The following COXFA4 variants were observed in gnomAD, a reference collection of about 807,000 sequenced individuals.
The protein encoded by COXFA4 is cytochrome c oxidase associated subunit FA4, also known as cytochrome c oxidase subunit FA4.
chr7:10,935,037 A>G, the COXFA4 span, among the ~76,000 whole-genome samples: 1 of 152,238 alleles, frequency 6.6e-6, no homozygotes, highest in Non-Finnish European at 1.5e-5. Context: ...ACCGGGCTAG[A>G]TGCTTTATGT....
chr7:10,938,079 T>C, the COXFA4 span: 1 of 1,611,396 alleles, frequency 6.2e-7, no homozygotes, highest in Non-Finnish European at 8.5e-7. Flanking sequence ...TAAAACAATT[T>C]TGTAGTTTAC....
chr7:10,932,058 G>C, the COXFA4 span: 2 of 152,212 alleles, frequency 1.3e-5, no homozygotes, highest in African/African-American at 4.8e-5. Context: ...AAAGGATCTA[G>C]AGTAATTCTC....
At chr7:10,936,480 A>G in the COXFA4 span, among the ~76,000 whole-genome samples, 2 of 152,252 alleles carry the variant, frequency 1.3e-5, no homozygotes, top group South Asian at 2.1e-4. Context: ...TTACTTTTTA[A>G]AAGTTTCTTG....
chr7:10,936,993 G>A, the COXFA4 span, among the ~76,000 whole-genome samples: 1 of 152,012 alleles, frequency 6.6e-6, no homozygotes, highest in Admixed American at 6.6e-5. Flanking sequence ...CCAAGATAAT[G>A]GCACTGCACT....
chr7:10,938,169 G>A, the COXFA4 span: 19 of 1,599,386 alleles, frequency 1.2e-5, no homozygotes, highest in East Asian at 1.3e-4. Context: ...AAAACATTAC[G>A]ACTGTTATAA....
At chr7:10,937,457 A>G in the COXFA4 span, among the ~76,000 whole-genome samples, 2 of 151,778 alleles carry the variant, frequency 1.3e-5, no homozygotes, top group Non-Finnish European at 2.9e-5. Flanking sequence ...TAATTTTTGT[A>G]TTTTTAGTAG....
At chr7:10,933,679 T>C in the COXFA4 span, 2 of 1,609,444 alleles carry the variant, frequency 1.2e-6, no homozygotes, top group Non-Finnish European at 1.7e-6. Context: ...GTAATCCACA[T>C]TCACTGAGTA....
the COXFA4 span, chr7:10,939,732 G>C: frequency 4.1e-6 from 2 of 491,632 alleles, no homozygotes; most frequent in Admixed American, 3.3e-5. Flanking sequence ...CTGCAAAAGA[G>C]AGCGGCCACC....
chr7:10,938,461 A>G, the COXFA4 span: 2 of 430,332 alleles, frequency 4.6e-6, no homozygotes, highest in Non-Finnish European at 8.3e-6. Context: ...TTGATTGTCT[A>G]TTGTTTTTCA....
At chr7:10,937,635 A>G in the COXFA4 span, among the ~76,000 whole-genome samples, 4 of 152,084 alleles carry the variant, frequency 2.6e-5, no homozygotes, top group Admixed American at 2.0e-4. Context: ...TTTTTTACAC[A>G]TAAGGAAGGT....
chr7:10,932,431 C>T, the COXFA4 span: 4 of 152,328 alleles, frequency 2.6e-5, no homozygotes, highest in African/African-American at 9.6e-5. Context: ...AGTAATTCAA[C>T]TCGTTTAACA....
the COXFA4 span, among the ~76,000 whole-genome samples, chr7:10,934,246 A>G: frequency 6.6e-6 from 1 of 152,128 alleles, no homozygotes; most frequent in Non-Finnish European, 1.5e-5. Context: ...ACTATATTCA[A>G]TATCAAACTG....
chr7:10,937,193 T>C, the COXFA4 span, among the ~76,000 whole-genome samples: 2 of 152,152 alleles, frequency 1.3e-5, no homozygotes, highest in Non-Finnish European at 2.9e-5. Flanking sequence ...CTTGATATTA[T>C]GGAAAGTGCA....
the COXFA4 span, among the ~76,000 whole-genome samples, chr7:10,934,070 T>A: frequency 2.0e-5 from 3 of 152,144 alleles, no homozygotes; most frequent in Admixed American, 1.3e-4. Context: ...GCCAACAGAA[T>A]AGAGGATTAA....
chr7:10,939,788 C>T, the COXFA4 span: 2 of 623,428 alleles, frequency 3.2e-6, no homozygotes, highest in South Asian at 1.8e-5. Flanking sequence ...GGTTTTTTTT[C>T]CGAGCAGTGT....
chr7:10,936,285 C>T, the COXFA4 span, among the ~76,000 whole-genome samples: 1 of 152,198 alleles, frequency 6.6e-6, no homozygotes, highest in Non-Finnish European at 1.5e-5. Context: ...TATGTTGTTA[C>T]AGCAACATTT....
the COXFA4 span, among the ~76,000 whole-genome samples, chr7:10,937,240 T>C: frequency 6.8e-6 from 1 of 147,624 alleles, no homozygotes; most frequent in Admixed American, 6.6e-5. Flanking sequence ...GTCAACTGTA[T>C]GGTATGTGAA....
At chr7:10,938,909 CAAAAT>C in the COXFA4 span, 19 of 1,595,470 alleles carry the variant, frequency 1.2e-5, no homozygotes, top group Admixed American at 1.5e-4. Context: ...AAACCAAACA[CAAAAT>C]AGAATAACCA....
the COXFA4 span, chr7:10,937,979 G>A: frequency 2.3e-6 from 2 of 872,484 alleles, no homozygotes; most frequent in African/African-American, 3.3e-5. Context: ...GCTCTTTAAA[G>A]TTCAATATAA....
Sources: gnomAD v4.1 joint callset for allele counts (sites outside exome capture counted in the v4.1 genomes callset) on GRCh38, gnomAD v4.1.1 for gene constraint, MANE v1.5 for transcripts, NCBI Gene and HGNC (gene_info 2026-07-23, HGNC 2026-07-21) for gene names.